SULF1: variants seen among roughly 807,000 people sequenced by gnomAD.
The protein encoded by SULF1 is extracellular sulfatase Sulf-1.
SULF1 carries 46 observed loss-of-function variants against 110.5 expected under a neutral mutation model. That is an observed-to-expected ratio of 0.42 (90% confidence interval 0.33 to 0.53). SULF1 has a LOEUF of 0.53. SULF1 is among the 20% of genes least tolerant of loss of function. The pLI, the probability that SULF1 is intolerant of heterozygous loss-of-function variation, is 0.12. For synonymous variants in SULF1, 371 were observed against 387.1 expected (o/e 0.96, Z 0.49); for missense variants, 941 against 1,094.2 (o/e 0.86, Z 1.98).
chr8:69,659,643 G>C lies in SULF1; in HGVS notation c.*1108G>C, dbSNP rs1812984298. On this transcript the variant is annotated 3_prime_UTR_variant, in exon 23 of 23. Transcript: ENST00000402687. ...AAGTATATACATGTTATCCAATCAA[G>C]ATGGCTAGAATGGTGCCTTTCTGAG... is the stretch of plus-strand genomic sequence containing the variant. 1.2e-5 allele frequency: 2 copies of C among 162,832 alleles called. No individual in the cohort carries two copies. Among genetic ancestry groups the C allele is most frequent in the South Asian group, 3.2e-4 (2 of 6,202 alleles). 10.1% of individuals were successfully genotyped at this position (162,832 alleles called of 1,614,324 possible). A position where few individuals can be genotyped will look rare whatever the true frequency, so the allele number is the denominator to read the frequency against.
At chr8:69,517,931 A>G (rs1812048176) in intron 3 of SULF1, among the ~76,000 whole-genome samples, 1 of 152,230 alleles carries the variant, frequency 6.6e-6, no homozygotes. Context: ...AAATAAATCA[A>G]AGAAAGTTAT....
chr8:69,578,862 T>C (rs1293812550), intron 6 of SULF1, among the ~76,000 whole-genome samples: 2 of 151,932 alleles, frequency 1.3e-5, no homozygotes, highest in Admixed American at 6.6e-5. Flanking sequence ...TCCAAAAACT[T>C]AGTTAACAGT....
Position 69,658,601 on chromosome 8 carries a change from A to G in SULF1, c.*66A>G, listed in dbSNP as rs765759618. 7.5e-7 allele frequency: 1 copy of G among 1,324,586 alleles called. No homozygotes were observed. The highest frequency in any genetic ancestry group is 1.7e-5 in the Admixed American group (1 of 59,466). The allele number at this position is 1,324,586 out of a possible 1,614,324, so 82.1% of individuals were successfully genotyped here. A position where few individuals can be genotyped will look rare whatever the true frequency, so the allele number is the denominator to read the frequency against. ...GAGGAGCTACACAGTGTGAATGAAA[A>G]CATCTATGAGTACAGACAAAACTAC... On this transcript the variant is annotated 3_prime_UTR_variant, in exon 23 of 23. Transcript: ENST00000402687.
chr8:69,601,894 T>G, intron 10 of SULF1, 65 bp downstream of exon 10: 1 of 1,448,472 alleles, frequency 6.9e-7, no homozygotes. Flanking sequence ...ATAATTCAAT[T>G]ACCAGTCTCA....
intron 3 of SULF1, among the ~76,000 whole-genome samples, chr8:69,562,371 C>T (rs962340576): frequency 6.6e-6 from 1 of 152,178 alleles, no homozygotes; most frequent in Non-Finnish European, 1.5e-5. Context: ...TCCTGCTATG[C>T]GATGCTTACA....
At chr8:69,548,845 C>A (rs1023290174) in intron 3 of SULF1, among the ~76,000 whole-genome samples, 5 of 152,158 alleles carry the variant, frequency 3.3e-5, no homozygotes, top group Admixed American at 6.5e-5. Flanking sequence ...TCTTTAAAGA[C>A]CAGGAAATGT....
At chr8:69,623,328 T>A (rs1423449216) in intron 14 of SULF1, among the ~76,000 whole-genome samples, 1 of 152,192 alleles carries the variant, frequency 6.6e-6, no homozygotes, top group African/African-American at 2.4e-5. Context: ...CTCAGAAGAT[T>A]ATAGTCCTAG....
intron 3 of SULF1, among the ~76,000 whole-genome samples, chr8:69,555,246 T>C (rs1009782627): frequency 6.6e-6 from 1 of 152,202 alleles, no homozygotes; most frequent in Non-Finnish European, 1.5e-5. Flanking sequence ...TGGTCCTCTA[T>C]CTGCCTCTGC....
chr8:69,547,509 G>C (rs1814353248), intron 3 of SULF1, among the ~76,000 whole-genome samples: 2 of 152,168 alleles, frequency 1.3e-5, no homozygotes, highest in African/African-American at 4.8e-5. Flanking sequence ...GGAAACGTTT[G>C]ACTTTCATCT....
intron 22 of SULF1, among the ~76,000 whole-genome samples, chr8:69,645,294 T>C (rs916050394): frequency 1.3e-5 from 2 of 152,178 alleles, no homozygotes; most frequent in Non-Finnish European, 2.9e-5. Context: ...ATAGTGACCC[T>C]ATTCCAAAGG....
chr8:69,467,834 A>G (rs1808917684), intron 1 of SULF1, among the ~76,000 whole-genome samples: 1 of 152,232 alleles, frequency 6.6e-6, no homozygotes, highest in Non-Finnish European at 1.5e-5. Flanking sequence ...GTCATTGGAA[A>G]TTAATAGTCA....
In SULF1 at chr8:69,604,712, T is replaced by C. The variant is rs562004064; in HGVS notation, c.1248-91T>C. ...TTGCTGTTTAAAGAATGTGGAGTCA[T>C]GTGACAGGGTAAAAAAAAAAAGGGG... On this transcript the variant is annotated intron_variant, in intron 12 of 22. Transcript: ENST00000402687. The C allele has an allele frequency of 7.6e-5, 116 of 1,518,992 alleles. No individual in the cohort carries two copies. In the African/African-American group the frequency reaches 1.5e-3, roughly 20 times the overall value. The allele number at this position is 1,518,992 out of a possible 1,614,324, so 94.1% of individuals were successfully genotyped here.
chr8:69,582,410 A>G (rs1806136114), intron 6 of SULF1, among the ~76,000 whole-genome samples: 1 of 152,214 alleles, frequency 6.6e-6, no homozygotes, highest in Non-Finnish European at 1.5e-5. Flanking sequence ...GATGCTAATA[A>G]CAATATTAGT....
intron 3 of SULF1, among the ~76,000 whole-genome samples, chr8:69,513,608 C>G (rs1397524035): frequency 6.6e-6 from 1 of 152,126 alleles, no homozygotes; most frequent in African/African-American, 2.4e-5. Context: ...AAGATATAGG[C>G]ATCAGAAAAG....
intron 19 of SULF1, 82 bp downstream of exon 19, chr8:69,629,761 A>G (rs1810377076): frequency 2.4e-6 from 3 of 1,240,908 alleles, no homozygotes; most frequent in Non-Finnish European, 3.4e-6. Flanking sequence ...TTCAGCATAA[A>G]ATGAGGAATC....
chr8:69,477,349 C>T (rs1176525659), intron 1 of SULF1, among the ~76,000 whole-genome samples: 2 of 152,132 alleles, frequency 1.3e-5, no homozygotes, highest in African/African-American at 2.4e-5. Context: ...AAATAGCTGT[C>T]TATTCATCTA....
chr8:69,473,772 G>A (rs573182038), intron 1 of SULF1, among the ~76,000 whole-genome samples: 1 of 152,242 alleles, frequency 6.6e-6, no homozygotes, highest in African/African-American at 2.4e-5. Context: ...TGTTGGCATT[G>A]ACCAAATCTT....
intron 3 of SULF1, among the ~76,000 whole-genome samples, chr8:69,525,431 G>T (rs1177137462): frequency 2.0e-5 from 3 of 152,170 alleles, no homozygotes; most frequent in Admixed American, 1.3e-4. Context: ...TGCCCATGGT[G>T]AGCAGTGGCA....
At chr8:69,634,455 A>G (rs1382221233) in intron 19 of SULF1, among the ~76,000 whole-genome samples, 1 of 152,200 alleles carries the variant, frequency 6.6e-6, no homozygotes, top group Non-Finnish European at 1.5e-5. Flanking sequence ...AAAGGTCAGA[A>G]AGGATATGAA....
Sources: allele counts gnomAD v4.1 joint callset (sites outside exome capture counted in the v4.1 genomes callset), GRCh38; gene constraint gnomAD v4.1.1; transcripts MANE v1.5; gene names NCBI Gene and HGNC (gene_info 2026-07-23, HGNC 2026-07-21).